C19orf47: variants seen among roughly 807,000 people sequenced by gnomAD.
C19orf47 encodes uncharacterized protein C19orf47.
Under a neutral mutation model 32.3 loss-of-function variants are expected in C19orf47, and 18 were observed. The ratio of observed to expected loss-of-function variants is 0.56; its 90% CI spans 0.39 to 0.83. The LOEUF (loss-of-function observed/expected upper bound fraction) is 0.83, where lower values mean the gene tolerates loss of function less well. C19orf47 is among the 40% of genes least tolerant of loss of function. The pLI is 0.00. For missense variants in C19orf47, 484 were observed against 531.6 expected, an observed-to-expected ratio of 0.91 and a Z score of 0.88; for synonymous variants, 202 against 211.1, an observed-to-expected ratio of 0.96 and a Z score of 0.37.
intron 5 of C19orf47, among the ~76,000 whole-genome samples, chr19:40,332,318 G>A (rs901720376): frequency 5.3e-5 from 8 of 150,868 alleles, no homozygotes; most frequent in Non-Finnish European, 7.4e-5. Flanking sequence ...GCGTGCCATC[G>A]CACTCCAACG....
At chr19:40,312,909 A>C in the C19orf47 span, among the ~76,000 whole-genome samples, 5 of 152,234 alleles carry the variant, frequency 3.3e-5, no homozygotes, top group African/African-American at 1.2e-4. Context: ...AACTGGAACA[A>C]CTATGCCACA....
In C19orf47 at chr19:40,348,393, T is replaced by C. The variant is rs1003222594; in HGVS notation, c.-103A>G. Reference sequence around the variant, plus strand: ...CCCGGCGGCGCCAACTGTCAGACACTCCTCCCCCGGCCCGGGCTGCCCGCC... The same window carrying C: ...CCCGGCGGCGCCAACTGTCAGACACCCCTCCCCCGGCCCGGGCTGCCCGCC... On this transcript the variant is annotated 5_prime_UTR_variant, in exon 1 of 9. Transcript: ENST00000683109. 2 of 1,329,006 alleles carry C rather than the reference T, an allele frequency of 1.5e-6. No individual in the cohort carries two copies. The highest frequency in any genetic ancestry group is 1.4e-5 in the South Asian group (1 of 73,600). 82.3% of individuals were successfully genotyped at this position (1,329,006 alleles called of 1,614,324 possible).
intron 4 of C19orf47, among the ~76,000 whole-genome samples, chr19:40,334,260 C>T (rs1369903531): frequency 6.7e-6 from 1 of 150,114 alleles, no homozygotes; most frequent in Non-Finnish European, 1.5e-5. Flanking sequence ...ACCAGCCTGG[C>T]CAACACAGTG....
intron 2 of C19orf47, among the ~76,000 whole-genome samples, chr19:40,340,658 C>A (rs573744688): frequency 7.0e-6 from 1 of 142,432 alleles, no homozygotes; most frequent in Non-Finnish European, 1.5e-5. Context: ...TCCAGCCTGG[C>A]GACAGAGCAA....
chr19:40,319,253 A>C (rs980171737), downstream of C19orf47, among the ~76,000 whole-genome samples: 7 of 152,044 alleles, frequency 4.6e-5, no homozygotes, highest in African/African-American at 1.7e-4. Context: ...CTGGGCAACA[A>C]GAGCAAAACT....
At position 40,341,960 on chromosome 19, in the gene C19orf47, T is replaced by C. The variant is rs1201906193; in HGVS notation, c.-33-70A>G. 1.2e-5 allele frequency: 19 copies of C among 1,534,664 alleles called. No individual in the cohort carries two copies. In the East Asian group the frequency reaches 4.2e-4, roughly 34 times the overall value. On this transcript the variant is annotated intron_variant, in intron 1 of 8. Transcript: ENST00000683109. ...TGAGTGTTTGTCCCTCTCCTGTGCC[T>C]GTCTGTCTGCATGCCAGAGGAATGT...
chr19:40,324,278 A>G, intron 7 of C19orf47: 1 of 600,536 alleles, frequency 1.7e-6, no homozygotes, highest in South Asian at 1.9e-5. Context: ...AATGTGGGAA[A>G]GACCAGCTAC....
chr19:40,325,285 TTA>T (rs1273060045), intron 7 of C19orf47, among the ~76,000 whole-genome samples: 2 of 150,128 alleles, frequency 1.3e-5, no homozygotes, highest in Admixed American at 1.3e-4. Context: ...AAAAAAAAAG[TTA>T]TAGAACAATA....
intron 4 of C19orf47, among the ~76,000 whole-genome samples, chr19:40,335,701 C>A (rs1046776425): frequency 3.9e-5 from 6 of 151,984 alleles, no homozygotes; most frequent in African/African-American, 1.5e-4. Flanking sequence ...GCTCCGCCAC[C>A]CACGTTCACG....
In C19orf47 at chr19:40,336,248, G is replaced by A. The variant is rs760718124; in HGVS notation, c.108-24C>T. On this transcript the variant is annotated intron_variant, in intron 3 of 8. Coordinates refer to ENST00000683109, the MANE Select transcript of C19orf47 (RefSeq NM_001256441.2). ...TCCTGCAGGGAAAGGTCAGTGGTGA[G>A]GCCCCAGGTGGGCCAGAGTGGGTGG... 11 of 1,613,954 alleles carry A rather than the reference G, an allele frequency of 6.8e-6. No homozygotes were observed. In the East Asian group the frequency reaches 2.2e-4, roughly 33 times the overall value.
chr19:40,326,505 G>A lies in C19orf47; in HGVS notation c.440-19C>T, dbSNP rs1437814382. 1.2e-6 allele frequency: 2 copies of A among 1,609,498 alleles called. No individual in the cohort carries two copies. Among genetic ancestry groups the A allele is most frequent in the East Asian group, 4.5e-5 (2 of 44,868 alleles). ...AGGGCTGCTGGGGGAAGAAAGCAGG[G>A]GTATCAGCACTCTCTGAGACAGAAC... On this transcript the variant is annotated intron_variant, in intron 6 of 8. Transcript: ENST00000683109.
rs571075471 is a variant in C19orf47 at position 40,336,646 on chromosome 19, C to T, written c.20-239G>A. 1.5e-3 allele frequency among the ~76,000 whole-genome samples: 225 copies of T among 152,184 alleles called. 1 individual carries two copies. Among genetic ancestry groups the T allele is most frequent in the Non-Finnish European group, 1.2e-3 (85 of 68,008 alleles). On this transcript the variant is annotated intron_variant, in intron 2 of 8. Coordinates refer to ENST00000683109, the MANE Select transcript of C19orf47 (RefSeq NM_001256441.2). ...GATAGGGAAAGGTTGGGCAACCCAC[C>T]CCAAGCCACAATGCTAAACAAGGGG... is the stretch of plus-strand genomic sequence containing the variant.
At chr19:40,323,837 G>A (rs963151318) in intron 8 of C19orf47, among the ~76,000 whole-genome samples, 169 bp downstream of exon 8, 2 of 152,196 alleles carry the variant, frequency 1.3e-5, no homozygotes, top group Non-Finnish European at 2.9e-5. Flanking sequence ...AGAAGCCAGG[G>A]CAGAAGACAG....
In C19orf47 at chr19:40,324,019, G is replaced by C. The variant is rs199793069; in HGVS notation, c.650C>G (p.Thr217Arg). The C allele has an allele frequency of 2.5e-5, 40 of 1,614,252 alleles. No homozygotes were observed. The highest frequency in any genetic ancestry group is 3.3e-5 in the Non-Finnish European group (39 of 1,180,040). ...RLGAETKADTTTGSKPTGVFS... is the reference protein window; with the variant it reads ...RLGAETKADTRTGSKPTGVFS... ...ATCCCCACTCACTTTACTCCCTGTCGTGGTGTCTGCCTTGGTCTCGGCGCC... is the reference window on the plus strand; with the variant it reads ...ATCCCCACTCACTTTACTCCCTGTCCTGGTGTCTGCCTTGGTCTCGGCGCC... Residue 217 changes from threonine to arginine, a missense_variant, in exon 8 of 9, where the codon ACG (threonine) becomes AGG (arginine). This residue lies in a region of C19orf47 where 376 missense variants were observed against 370.2 expected (regional missense o/e 1.02). Coordinates refer to ENST00000683109, the MANE Select transcript of C19orf47 (RefSeq NM_001256441.2).
In C19orf47 at chr19:40,319,696, C is replaced by G. The variant is rs2077689630; in HGVS notation, c.*2186G>C. The G allele has an allele frequency of 6.5e-6, 1 of 152,736 alleles. No homozygotes were observed. The highest frequency in any genetic ancestry group is 2.1e-4 in the South Asian group (1 of 4,824). 9.5% of individuals were successfully genotyped at this position (152,736 alleles called of 1,614,324 possible). A position where few individuals can be genotyped will look rare whatever the true frequency, so the allele number is the denominator to read the frequency against. On this transcript the variant is annotated 3_prime_UTR_variant, in exon 9 of 9. Coordinates refer to ENST00000683109, the MANE Select transcript of C19orf47 (RefSeq NM_001256441.2). ...GGGATTACAGGCACCTGTCACCACA[C>G]CCGGCTAATTTTTGTATTTTTAGTA...
chr19:40,304,552 C>T, the C19orf47 span, among the ~76,000 whole-genome samples: 9 of 152,146 alleles, frequency 5.9e-5, no homozygotes, highest in African/African-American at 1.2e-4. Flanking sequence ...ATTCACCATA[C>T]ACTTCCTCCC....
the C19orf47 span, among the ~76,000 whole-genome samples, chr19:40,306,746 C>T: frequency 6.6e-6 from 1 of 150,880 alleles, no homozygotes; most frequent in African/African-American, 2.4e-5. Flanking sequence ...TAAAATAAAG[C>T]ATTACCAAAA....
chr19:40,310,544 T>A, the C19orf47 span, among the ~76,000 whole-genome samples: 3 of 152,206 alleles, frequency 2.0e-5, no homozygotes, highest in Admixed American at 1.3e-4. Flanking sequence ...CTTCCAAAAG[T>A]GCTGGGATTA....
the C19orf47 span, among the ~76,000 whole-genome samples, chr19:40,307,045 T>C: frequency 6.7e-6 from 1 of 148,822 alleles, no homozygotes; most frequent in Admixed American, 6.7e-5. Context: ...CGCCTGGGCC[T>C]CCCAAAGTGT....
Sources: allele counts gnomAD v4.1 joint callset (sites outside exome capture counted in the v4.1 genomes callset), GRCh38; gene constraint gnomAD v4.1.1; regional missense constraint gnomAD v4.1.1; transcripts MANE v1.5; gene names NCBI Gene and HGNC (gene_info 2026-07-23, HGNC 2026-07-21).